ZNF514: variants seen among roughly 807,000 people sequenced by gnomAD.
ZNF514 encodes the protein zinc finger protein 514.
Under a neutral mutation model 9.7 loss-of-function variants are expected in ZNF514, and 12 were observed. That is an observed-to-expected ratio of 1.24 (90% CI 0.79 to 2.01). The LOEUF is 2.01. ZNF514 is among the 30% of genes most tolerant of loss of function. The probability of loss-of-function intolerance (pLI) is 0.00; values close to 1 mark genes in which losing one functional copy is unlikely to be tolerated. For synonymous variants in ZNF514, 158 were observed against 163.7 expected, an observed-to-expected ratio of 0.97 and a Z score of 0.27; for missense variants, 467 against 465.5, an observed-to-expected ratio of 1.00 and a Z score of -0.03.
the ZNF514 span, among the ~76,000 whole-genome samples, chr2:95,126,930 G>T: frequency 6.8e-6 from 1 of 147,018 alleles, no homozygotes; most frequent in Non-Finnish European, 1.5e-5. Context: ...TGGGTTCTGG[G>T]ACCTATTGCG....
At chr2:95,142,717 C>T (rs1480408117), downstream of ZNF514, among the ~76,000 whole-genome samples, 4 of 152,128 alleles carry the variant, frequency 2.6e-5, no homozygotes, top group African/African-American at 7.2e-5. Flanking sequence ...TGAGATCACC[C>T]GTGATTCTTC....
the ZNF514 span, among the ~76,000 whole-genome samples, chr2:95,124,921 G>A: frequency 2.0e-5 from 3 of 150,696 alleles, no homozygotes; most frequent in Non-Finnish European, 4.4e-5. Flanking sequence ...TCACTCTGTC[G>A]CCCAGGCTGG....
chr2:95,158,043 T>A (rs1673734555), intron 1 of ZNF514, among the ~76,000 whole-genome samples: 1 of 152,160 alleles, frequency 6.6e-6, no homozygotes, highest in Non-Finnish European at 1.5e-5. Flanking sequence ...ACAAAAAAAC[T>A]AACCCAAACC....
chr2:95,126,420 AAAAG>A, the ZNF514 span, among the ~76,000 whole-genome samples: 1 of 148,694 alleles, frequency 6.7e-6, no homozygotes, highest in Non-Finnish European at 1.5e-5. Flanking sequence ...AAGGAAGAAA[AAAAG>A]AAAGAAACTG....
Position 95,146,266 on chromosome 2 carries a change from C to G in ZNF514, c.*3016G>C, listed in dbSNP as rs1212563836. On this transcript the variant is annotated 3_prime_UTR_variant, in exon 5 of 5. Transcript: ENST00000295208. ...GTGATAAAAAATTATTTAAATAGAT[C>G]AAGACAGTGATACGATTTACCACAA... 6.6e-6 allele frequency among the ~76,000 whole-genome samples: 1 copy of G among 152,110 alleles called. No individual in the cohort carries two copies. The highest frequency in any genetic ancestry group is 2.4e-5 in the African/African-American group (1 of 41,410).
chr2:95,130,144 A>G, the ZNF514 span, among the ~76,000 whole-genome samples: 1 of 152,170 alleles, frequency 6.6e-6, no homozygotes, highest in African/African-American at 2.4e-5. Context: ...GGGAGACATC[A>G]CACATTGGTA....
the ZNF514 span, among the ~76,000 whole-genome samples, chr2:95,135,229 G>C: frequency 2.0e-4 from 31 of 152,106 alleles, no homozygotes; most frequent in Admixed American, 1.0e-3. Context: ...ATGAACGTGA[G>C]ATGTTTTTTC....
At chr2:95,155,082 A>C (rs758936611) in intron 2 of ZNF514, 7 of 152,234 alleles carry the variant, frequency 4.6e-5, no homozygotes, top group Non-Finnish European at 1.0e-4. Context: ...GCCAACTGGA[A>C]ACAAATTCAT....
the ZNF514 span, among the ~76,000 whole-genome samples, chr2:95,139,289 G>A: frequency 1.3e-5 from 2 of 152,294 alleles, no homozygotes; most frequent in East Asian, 3.9e-4. Context: ...GTGGAGCTGT[G>A]GGAAGGGGGC....
downstream of ZNF514, among the ~76,000 whole-genome samples, chr2:95,141,555 G>C (rs1270657782): frequency 6.6e-6 from 1 of 152,144 alleles, no homozygotes; most frequent in African/African-American, 2.4e-5. Context: ...CTCAAGTACT[G>C]TCACCAACAG....
chr2:95,129,836 G>A, the ZNF514 span, among the ~76,000 whole-genome samples: 2 of 152,138 alleles, frequency 1.3e-5, no homozygotes, highest in Non-Finnish European at 2.9e-5. Flanking sequence ...AGAGTTTGGG[G>A]AAGTTCAAAC....
chr2:95,156,936 C>G (rs1164569870), intron 2 of ZNF514, among the ~76,000 whole-genome samples: 1 of 152,202 alleles, frequency 6.6e-6, no homozygotes, highest in Non-Finnish European at 1.5e-5. Context: ...CTCTCCAGAA[C>G]AGGCCGATTC....
chr2:95,123,983 T>C, the ZNF514 span, among the ~76,000 whole-genome samples: 13 of 152,218 alleles, frequency 8.5e-5, no homozygotes, highest in Admixed American at 7.9e-4. Flanking sequence ...ATGGTACATC[T>C]TACATAACTA....
At chr2:95,156,526 T>C (rs1673691395) in intron 2 of ZNF514, among the ~76,000 whole-genome samples, 1 of 152,208 alleles carries the variant, frequency 6.6e-6, no homozygotes, top group East Asian at 1.9e-4. Context: ...CTTGACTTCT[T>C]CTGTTAACCT....
At chr2:95,137,321 C>A in the ZNF514 span, among the ~76,000 whole-genome samples, 1 of 152,118 alleles carries the variant, frequency 6.6e-6, no homozygotes, top group Admixed American at 6.5e-5. Flanking sequence ...AAATTATAAT[C>A]TTCACTCAAA....
At chr2:95,134,052 A>T in the ZNF514 span, among the ~76,000 whole-genome samples, 1 of 152,148 alleles carries the variant, frequency 6.6e-6, no homozygotes, top group Non-Finnish European at 1.5e-5. Flanking sequence ...TATGAACTCA[A>T]AAAAGTTCAG....
chr2:95,126,463 A>C, the ZNF514 span, among the ~76,000 whole-genome samples: 1 of 151,758 alleles, frequency 6.6e-6, no homozygotes, highest in Non-Finnish European at 1.5e-5. Flanking sequence ...TGGCCATTCC[A>C]TTTTATATTC....
chr2:95,142,815 CCTAT>C (rs1255809576), downstream of ZNF514, among the ~76,000 whole-genome samples: 1 of 152,210 alleles, frequency 6.6e-6, no homozygotes, highest in Non-Finnish European at 1.5e-5. Flanking sequence ...CTGAAAAAGA[CCTAT>C]CACTAACTCT....
At chr2:95,137,528 T>C in the ZNF514 span, among the ~76,000 whole-genome samples, 1 of 152,226 alleles carries the variant, frequency 6.6e-6, no homozygotes, top group South Asian at 2.1e-4. Flanking sequence ...AACATAGTCC[T>C]GGAAAAACTG....
Sources: gnomAD v4.1 joint callset for allele counts (sites outside exome capture counted in the v4.1 genomes callset) on GRCh38, gnomAD v4.1.1 for gene constraint, MANE v1.5 for transcripts, NCBI Gene and HGNC (gene_info 2026-07-23, HGNC 2026-07-21) for gene names.